DLG2: variants seen among roughly 807,000 people sequenced by gnomAD.
The protein encoded by DLG2 is discs large MAGUK scaffold protein 2, also known as disks large homolog 2.
In DLG2, 45 loss-of-function variants were observed where a neutral mutation model predicts 132.5. The ratio of observed to expected loss-of-function variants is 0.34; its 90% CI spans 0.27 to 0.44. The LOEUF (loss-of-function observed/expected upper bound fraction) is 0.44, where lower values mean the gene tolerates loss of function less well. DLG2 is among the 20% of genes least tolerant of loss of function. DLG2 has a pLI of 1.00. For missense variants in DLG2, 1,045 were observed against 1,196.9 expected (o/e 0.87, Z 1.87); for synonymous variants, 424 against 419.6 (o/e 1.01, Z -0.13).
chr11:83,630,768 C>T (rs531551692), intron 19 of DLG2, among the ~76,000 whole-genome samples: 1 of 152,236 alleles, frequency 6.6e-6, no homozygotes, highest in Non-Finnish European at 1.5e-5. Context: ...GGATCACAGG[C>T]AAGTCTCTGT....
Position 84,824,634 on chromosome 11 carries a change from T to C in DLG2, c.357+287027A>G, listed in dbSNP as rs145313994. 1.8e-3 allele frequency among the ~76,000 whole-genome samples: 278 copies of C among 152,036 alleles called. 1 individual carries two copies. The highest frequency in any genetic ancestry group is 6.6e-3 in the African/African-American group (273 of 41,548). On this transcript the variant is annotated intron_variant, in intron 6 of 27. Coordinates refer to ENST00000376104, the MANE Select transcript of DLG2 (RefSeq NM_001142699.3). ...TATGACAGCTCAGCAAACTTGGTCA[T>C]ATTGTTCCCATTTGTATGGAAAAAC...
intron 7 of DLG2, among the ~76,000 whole-genome samples, chr11:84,520,654 T>C (rs1203560581): frequency 6.6e-6 from 1 of 152,070 alleles, no homozygotes; most frequent in East Asian, 1.9e-4. Context: ...TACTTTTCCA[T>C]TGACCATTCT....
intron 7 of DLG2, among the ~76,000 whole-genome samples, chr11:84,349,900 G>A (rs866379037): frequency 1.3e-5 from 2 of 151,936 alleles, no homozygotes; most frequent in Admixed American, 6.6e-5. Flanking sequence ...AGGCTAGGCC[G>A]GGCGCGGTGG....
At chr11:83,903,799 A>G (rs1170221022) in intron 15 of DLG2, among the ~76,000 whole-genome samples, 1 of 152,290 alleles carries the variant, frequency 6.6e-6, no homozygotes, top group South Asian at 2.1e-4. Flanking sequence ...AGCTACATAA[A>G]TTATTGTGGA....
chr11:85,486,299 T>C (rs2153098577), intron 3 of DLG2, among the ~76,000 whole-genome samples: 1 of 152,208 alleles, frequency 6.6e-6, no homozygotes, highest in South Asian at 2.1e-4. Flanking sequence ...CCAAAGCTTC[T>C]TGCCCACAAT....
At chr11:84,834,007 C>T (rs1209322039) in intron 6 of DLG2, among the ~76,000 whole-genome samples, 1 of 151,534 alleles carries the variant, frequency 6.6e-6, no homozygotes, top group Non-Finnish European at 1.5e-5. Flanking sequence ...ATAGAGTAGG[C>T]ACAAGTTTAA....
rs148869154 is a variant in DLG2 at position 84,617,929 on chromosome 11, A to G, written c.358-83198T>C. 2.3e-3 allele frequency among the ~76,000 whole-genome samples: 356 copies of G among 152,240 alleles called. 3 individuals carry two copies. Among genetic ancestry groups the G allele is most frequent in the African/African-American group, 8.4e-3 (347 of 41,556 alleles). On this transcript the variant is annotated intron_variant, in intron 6 of 27. Transcript: ENST00000376104. The stretch of plus-strand genomic sequence containing the variant: ...TAAAAACAGTCAAAGAAAGTAATGC[A>G]GTGTTGTAAAGGGTAAAACAGGTAT...
chr11:84,555,273 T>C (rs56041841), intron 6 of DLG2, among the ~76,000 whole-genome samples: 1,609 of 152,220 alleles, frequency 0.011, 24 homozygotes, highest in African/African-American at 0.035. Context: ...TACAATATTA[T>C]CTAGCAAACC....
intron 6 of DLG2, among the ~76,000 whole-genome samples, chr11:84,642,565 G>A (rs756032089): frequency 6.6e-6 from 1 of 152,102 alleles, no homozygotes; most frequent in African/African-American, 2.4e-5. Context: ...AAGAGTGCCT[G>A]CCTTCCTGTT....
chr11:84,401,417 A>G (rs1177054213), intron 7 of DLG2, among the ~76,000 whole-genome samples: 2 of 152,070 alleles, frequency 1.3e-5, no homozygotes, highest in Non-Finnish European at 2.9e-5. Context: ...TTCAATGCGG[A>G]CAAGGGCTGT....
At chr11:84,848,700 G>C (rs2081817140) in intron 6 of DLG2, among the ~76,000 whole-genome samples, 1 of 152,090 alleles carries the variant, frequency 6.6e-6, no homozygotes, top group Non-Finnish European at 1.5e-5. Flanking sequence ...TAAGATCTTG[G>C]ACTTTAAATC....
chr11:84,845,682 C>CT (rs11411513), intron 6 of DLG2, among the ~76,000 whole-genome samples: 50,098 of 138,760 alleles, frequency 0.36, 9,767 homozygotes, highest in Non-Finnish European at 0.42. Flanking sequence ...GATCGTCACT[C>CT]TTTTTTTTTT....
intron 18 of DLG2, among the ~76,000 whole-genome samples, chr11:83,722,349 T>C (rs79928037): frequency 0.012 from 1,773 of 152,286 alleles, 45 homozygotes; most frequent in African/African-American, 0.041. Flanking sequence ...ACGGCAACAA[T>C]TAATTCTAAA....
chr11:84,880,021 T>C (rs2087032178), intron 6 of DLG2, among the ~76,000 whole-genome samples: 1 of 152,076 alleles, frequency 6.6e-6, no homozygotes. Flanking sequence ...ATAAGAATAG[T>C]ACTATAAAGT....
At chr11:83,481,758 A>AAG (rs2093129188) in intron 22 of DLG2, among the ~76,000 whole-genome samples, 1 of 152,132 alleles carries the variant, frequency 6.6e-6, no homozygotes, top group Non-Finnish European at 1.5e-5. Context: ...CATAATCAAT[A>AAG]ATAGTGCATT....
rs759178685 is a variant in DLG2, at chr11:83,963,005, T to C, written c.1220A>G (p.Glu407Gly). Residue 407 changes from glutamate (E) to glycine (G), a missense_variant, in exon 14 of 28, where the codon GAA becomes GGA. Physicochemically the swap from Glu to Gly is moderately conservative, Grantham distance 98. Coordinates refer to ENST00000376104, the MANE Select transcript of DLG2 (RefSeq NM_001142699.3). ...DITHSYSPPM[E>G]NHLLSGNNGT... is the part of the protein sequence containing the mutation. The stretch of plus-strand genomic sequence containing the variant: ...ATTGTTGCCAGAGAGTAGATGGTTT[T>C]CCATTGGTGGAGAATAAGCTAAGAG... 18 of 1,612,800 alleles carry C rather than the reference T, an allele frequency of 1.1e-5. No individual in the cohort carries two copies. The highest frequency in any genetic ancestry group is 1.4e-5 in the Non-Finnish European group (17 of 1,179,026).
intron 6 of DLG2, among the ~76,000 whole-genome samples, chr11:84,845,958 C>T (rs2081415235): frequency 6.6e-6 from 1 of 152,084 alleles, no homozygotes; most frequent in East Asian, 1.9e-4. Context: ...GTGTGAGCTA[C>T]TGCACCAGGC....
intron 6 of DLG2, among the ~76,000 whole-genome samples, chr11:84,655,853 C>G (rs948633188): frequency 5.3e-5 from 8 of 151,788 alleles, no homozygotes; most frequent in Non-Finnish European, 7.4e-5. Context: ...GCCTTTTCAT[C>G]CACCCATGCA....
intron 4 of DLG2, among the ~76,000 whole-genome samples, chr11:85,185,679 G>C (rs915768048): frequency 2.0e-5 from 3 of 151,640 alleles, no homozygotes; most frequent in African/African-American, 4.8e-5. Flanking sequence ...TTTGAGCTAA[G>C]TGTCCCTCAC....
Sources: gnomAD v4.1 joint callset for allele counts (sites outside exome capture counted in the v4.1 genomes callset) on GRCh38, gnomAD v4.1.1 for gene constraint, MANE v1.5 for transcripts, NCBI Gene and HGNC (gene_info 2026-07-23, HGNC 2026-07-21) for gene names.